The following BTRC variants were observed in gnomAD, a reference collection of about 807,000 sequenced individuals.
The protein encoded by BTRC is beta-transducin repeat containing E3 ubiquitin protein ligase, also known as F-box/WD repeat-containing protein 1A.
In BTRC, 42 loss-of-function variants were observed where a neutral mutation model predicts 85.5. The ratio of observed to expected loss-of-function variants is 0.49; its 90% CI spans 0.38 to 0.64. The LOEUF (loss-of-function observed/expected upper bound fraction) is 0.64. Among genes scored for constraint, BTRC ranks in the 30% least tolerant of loss-of-function variants. The pLI is 0.00. For synonymous variants in BTRC, 255 were observed against 263.3 expected (o/e 0.97, Z 0.30); for missense variants, 594 against 743.5 (o/e 0.80, Z 2.34).
chr10:101,380,171 T>C (rs1169634189), intron 1 of BTRC, among the ~76,000 whole-genome samples: 1 of 152,202 alleles, frequency 6.6e-6, no homozygotes, highest in Non-Finnish European at 1.5e-5. Flanking sequence ...CTAGATGTCA[T>C]AGATATTGGG....
chr10:101,395,920 C>T (rs577202534), intron 1 of BTRC, among the ~76,000 whole-genome samples: 13 of 151,696 alleles, frequency 8.6e-5, no homozygotes, highest in African/African-American at 1.5e-4. Flanking sequence ...TGTTTGTAAG[C>T]GACAAATATG....
chr10:101,542,674 C>G (rs1365842431), intron 13 of BTRC, among the ~76,000 whole-genome samples: 1 of 152,180 alleles, frequency 6.6e-6, no homozygotes, highest in Non-Finnish European at 1.5e-5. Context: ...CAGGCTCTGT[C>G]AATCCACCCA....
At chr10:101,490,887 T>C (rs1946112276) in intron 4 of BTRC, among the ~76,000 whole-genome samples, 1 of 151,864 alleles carries the variant, frequency 6.6e-6, no homozygotes, top group African/African-American at 2.4e-5. Flanking sequence ...GATGAAACTT[T>C]GTCTCTACTA....
chr10:101,387,268 T>C (rs1218639856), intron 1 of BTRC, among the ~76,000 whole-genome samples: 1 of 151,724 alleles, frequency 6.6e-6, no homozygotes, highest in Non-Finnish European at 1.5e-5. Flanking sequence ...GTGATACATA[T>C]AGTGATCAGA....
intron 4 of BTRC, among the ~76,000 whole-genome samples, chr10:101,517,753 C>T (rs1445450499): frequency 3.3e-5 from 5 of 152,100 alleles, no homozygotes; most frequent in South Asian, 2.1e-4. Flanking sequence ...GTGATTTTGT[C>T]TCCTTTTTTC....
At chr10:101,472,598 T>C (rs1346761019) in intron 3 of BTRC, among the ~76,000 whole-genome samples, 2 of 152,112 alleles carry the variant, frequency 1.3e-5, no homozygotes, top group African/African-American at 4.8e-5. Context: ...GTGGATCACC[T>C]GAGGTCAGGA....
intron 1 of BTRC, among the ~76,000 whole-genome samples, chr10:101,408,880 C>T (rs1024752763): frequency 2.6e-5 from 4 of 151,942 alleles, no homozygotes; most frequent in Non-Finnish European, 5.9e-5. Flanking sequence ...AACCCTGACT[C>T]TACTAAAAAT....
chr10:101,402,851 G>A (rs1174023142), intron 1 of BTRC, among the ~76,000 whole-genome samples: 1 of 152,160 alleles, frequency 6.6e-6, no homozygotes, highest in Non-Finnish European at 1.5e-5. Flanking sequence ...ACAACAGTGG[G>A]CTAAGCATCC....
chr10:101,543,700 G>A (rs999900330), intron 13 of BTRC, among the ~76,000 whole-genome samples: 2 of 151,502 alleles, frequency 1.3e-5, no homozygotes, highest in African/African-American at 4.9e-5. Context: ...GGGACCTAGG[G>A]TTTACAATAG....
intron 11 of BTRC, 44 bp downstream of exon 11, chr10:101,535,516 T>A: frequency 7.7e-7 from 1 of 1,298,142 alleles, no homozygotes. Flanking sequence ...AATATTATGC[T>A]CCCATTCATT....
intron 4 of BTRC, among the ~76,000 whole-genome samples, chr10:101,485,734 A>G (rs1163038857): frequency 6.6e-6 from 1 of 152,164 alleles, no homozygotes; most frequent in Non-Finnish European, 1.5e-5. Context: ...GAATTTATTC[A>G]TATTTCTATC....
At chr10:101,378,075 A>C (rs973733604) in intron 1 of BTRC, among the ~76,000 whole-genome samples, 1 of 152,178 alleles carries the variant, frequency 6.6e-6, no homozygotes, top group East Asian at 1.9e-4. Context: ...TCCTAGTAGC[A>C]TAGATCAATG....
At chr10:101,451,247 C>T (rs4485040) in intron 2 of BTRC, among the ~76,000 whole-genome samples, 147,616 of 152,288 alleles carry the variant, frequency 0.97, 71,710 homozygotes, top group East Asian at 1. Flanking sequence ...TCTTTAAGAG[C>T]ACTTCTCCTT....
intron 1 of BTRC, among the ~76,000 whole-genome samples, chr10:101,392,911 CT>C (rs1175023531): frequency 6.6e-6 from 1 of 152,180 alleles, no homozygotes; most frequent in Non-Finnish European, 1.5e-5. Context: ...TCCCATATCC[CT>C]TTTTATGGTC....
intron 2 of BTRC, among the ~76,000 whole-genome samples, chr10:101,440,252 T>C (rs986003628): frequency 8.5e-5 from 13 of 152,202 alleles, no homozygotes; most frequent in African/African-American, 2.9e-4. Context: ...AGTAGGAGTT[T>C]ATAAATTACA....
At chr10:101,356,854 G>A (rs1298328371) in intron 1 of BTRC, among the ~76,000 whole-genome samples, 8 of 152,306 alleles carry the variant, frequency 5.3e-5, no homozygotes, top group South Asian at 2.1e-4. Context: ...AAGATAGGCC[G>A]GGTGCGGTGG....
chr10:101,451,418 C>T (rs1238140104), intron 2 of BTRC, among the ~76,000 whole-genome samples: 1 of 152,114 alleles, frequency 6.6e-6, no homozygotes, highest in Admixed American at 6.5e-5. Flanking sequence ...ATACATCAGC[C>T]AGAACAAGCA....
intron 13 of BTRC, among the ~76,000 whole-genome samples, chr10:101,544,272 A>G (rs372332947): frequency 5.9e-5 from 9 of 152,132 alleles, no homozygotes; most frequent in East Asian, 5.8e-4. Context: ...TACCTTTTCT[A>G]TTGCCTCCCA....
intron 2 of BTRC, among the ~76,000 whole-genome samples, chr10:101,433,071 A>G (rs1944442239): frequency 6.6e-6 from 1 of 152,144 alleles, no homozygotes; most frequent in Non-Finnish European, 1.5e-5. Flanking sequence ...CTCTCACCAG[A>G]CAAGAAGTTC....
Sources: allele counts gnomAD v4.1 joint callset (sites outside exome capture counted in the v4.1 genomes callset), GRCh38; gene constraint gnomAD v4.1.1; transcripts MANE v1.5; gene names NCBI Gene and HGNC (gene_info 2026-07-23, HGNC 2026-07-21).